Variants in SEPTIN11 observed in about 807,000 individuals in gnomAD.
SEPTIN11 encodes septin-11.
SEPTIN11 carries 25 observed loss-of-function variants against 51.4 expected under a neutral mutation model. The ratio of observed to expected loss-of-function variants is 0.49; its 90% CI spans 0.35 to 0.68. SEPTIN11 has a LOEUF of 0.68. Ranked by LOEUF, SEPTIN11 falls within the 30% of genes least tolerant of loss-of-function variation. The pLI, the probability that SEPTIN11 is intolerant of heterozygous loss-of-function variation, is 0.00. For missense variants in SEPTIN11, 381 were observed against 520.8 expected, an observed-to-expected ratio of 0.73 and a Z score of 2.61; for synonymous variants, 174 against 184.1, an observed-to-expected ratio of 0.95 and a Z score of 0.44.
chr4:76,965,267 A>G (rs1721987571), intron 1 of SEPTIN11, among the ~76,000 whole-genome samples: 1 of 152,064 alleles, frequency 6.6e-6, no homozygotes, highest in Non-Finnish European at 1.5e-5. Flanking sequence ...CCTGGCCAAC[A>G]TGGTGAAACC....
intron 9 of SEPTIN11, chr4:77,031,776 T>G (rs1172972005): frequency 6.6e-6 from 1 of 152,178 alleles, no homozygotes; most frequent in Non-Finnish European, 1.5e-5. Context: ...AGAATACCAC[T>G]AACGAAAACC....
chr4:77,028,346 C>T (rs954068936), intron 7 of SEPTIN11, among the ~76,000 whole-genome samples: 2 of 152,126 alleles, frequency 1.3e-5, no homozygotes, highest in Non-Finnish European at 2.9e-5. Context: ...CCTCCTCAGC[C>T]CAGGTTTTCC....
chr4:76,998,088 C>T lies in SEPTIN11; in HGVS notation c.142+1549C>T, dbSNP rs542577595. Among the ~76,000 whole-genome samples the T allele has an allele frequency of 3.9e-5, 6 of 152,174 alleles. No homozygotes were observed. In the East Asian group the frequency reaches 1.2e-3, roughly 30 times the overall value. On this transcript the variant is annotated intron_variant, in intron 2 of 9. Coordinates refer to ENST00000264893, the MANE Select transcript of SEPTIN11 (RefSeq NM_018243.4). ...ATTCAGATGCTGAATTCCTCAGAGA[C>T]CAAATTGATGCTGCCCTGTTAGATG...
At chr4:76,992,528 CTG>C (rs1186549587) in intron 1 of SEPTIN11, among the ~76,000 whole-genome samples, 2 of 152,270 alleles carry the variant, frequency 1.3e-5, no homozygotes, top group East Asian at 3.9e-4. Context: ...AACGGTGCCT[CTG>C]TTTTCTCATC....
chr4:76,970,953 G>T (rs976691336), intron 1 of SEPTIN11, among the ~76,000 whole-genome samples: 1 of 152,136 alleles, frequency 6.6e-6, no homozygotes, highest in African/African-American at 2.4e-5. Context: ...CTTGATGAAA[G>T]TTCTAGAAAT....
chr4:77,016,633 C>CATATATATATATATATATATATATAT (rs1234653472), intron 5 of SEPTIN11, among the ~76,000 whole-genome samples: 37 of 72,734 alleles, frequency 5.1e-4, no homozygotes, highest in African/African-American at 1.2e-3. Flanking sequence ...TATATATACA[C>CATATATATATATATATATATATATAT]ATATATATAT....
chr4:76,986,151 T>C (rs554319861), intron 1 of SEPTIN11, among the ~76,000 whole-genome samples: 243 of 152,294 alleles, frequency 1.6e-3, no homozygotes, highest in African/African-American at 5.7e-3. Context: ...GGGCTTTTTT[T>C]CTCCTGCAAG....
chr4:76,994,900 CTTTTTTTTT>C (rs55728971), intron 1 of SEPTIN11, among the ~76,000 whole-genome samples: 3 of 54,880 alleles, frequency 5.5e-5, no homozygotes, highest in South Asian at 2.1e-3. Context: ...CTGTACAAAG[CTTTTTTTTT>C]TTTTTTTTTT....
At chr4:77,004,742 T>C (rs1724360875) in intron 2 of SEPTIN11, among the ~76,000 whole-genome samples, 2 of 152,106 alleles carry the variant, frequency 1.3e-5, no homozygotes, top group African/African-American at 4.8e-5. Context: ...GCAGGTGGAC[T>C]ATTTGAGGTC....
At position 76,965,434 on chromosome 4, in the gene SEPTIN11, G is replaced by C. The variant is rs1350966922; in HGVS notation, c.27+15504G>C. On this transcript the variant is annotated intron_variant, in intron 1 of 9. Transcript: ENST00000264893. Reference sequence around the variant, plus strand: ...CCACTGCACTCCAGCCTGGGCAACAGAGCCAGACTCCATTTCAAAAAAAAA... The same window carrying C: ...CCACTGCACTCCAGCCTGGGCAACACAGCCAGACTCCATTTCAAAAAAAAA... Among the ~76,000 whole-genome samples, 14 of 145,720 alleles carry C rather than the reference G, an allele frequency of 9.6e-5. 1 individual carries two copies. The East Asian group carries it at 1.4e-3, about 15-fold the overall frequency.
chr4:76,981,709 T>C (rs1447583356), intron 1 of SEPTIN11, among the ~76,000 whole-genome samples: 1 of 151,776 alleles, frequency 6.6e-6, no homozygotes, highest in Non-Finnish European at 1.5e-5. Context: ...CGGTAACAAA[T>C]AGAGTCTGTT....
At chr4:76,962,265 T>C (rs1721853524) in intron 1 of SEPTIN11, among the ~76,000 whole-genome samples, 1 of 152,232 alleles carries the variant, frequency 6.6e-6, no homozygotes. Context: ...GAAAAAGCCT[T>C]GGCCTTTTGT....
chr4:76,975,594 T>C (rs1368941630), intron 1 of SEPTIN11, among the ~76,000 whole-genome samples: 1 of 152,250 alleles, frequency 6.6e-6, no homozygotes, highest in Non-Finnish European at 1.5e-5. Context: ...TCTGACTTAA[T>C]GGACAGCTGG....
chr4:77,005,893 G>C (rs113851051), intron 3 of SEPTIN11, 97 bp downstream of exon 3: 2 of 1,159,808 alleles, frequency 1.7e-6, no homozygotes, highest in African/African-American at 1.5e-5. Flanking sequence ...GGATTTTTTA[G>C]TTGTGGGGCT....
chr4:76,953,417 G>T (rs1278203161), intron 1 of SEPTIN11, among the ~76,000 whole-genome samples: 3 of 152,234 alleles, frequency 2.0e-5, no homozygotes, highest in Non-Finnish European at 2.9e-5. Context: ...GATCATATCT[G>T]TCTGGGGATA....
intron 1 of SEPTIN11, among the ~76,000 whole-genome samples, chr4:76,981,176 C>T (rs941164997): frequency 5.9e-5 from 9 of 152,118 alleles, no homozygotes; most frequent in Non-Finnish European, 1.3e-4. Flanking sequence ...GGATTTATAA[C>T]GGATTGTTGT....
intron 1 of SEPTIN11, among the ~76,000 whole-genome samples, chr4:76,992,670 T>C (rs550268060): frequency 5.3e-5 from 8 of 152,344 alleles, no homozygotes; most frequent in Non-Finnish European, 7.3e-5. Context: ...CCAAATAGCT[T>C]GAGCAGCTTT....
rs1382556066 is a variant in SEPTIN11, at chr4:77,029,767, T to TACACACAC, written c.1087-1008_1087-1001dup. 1.5e-3 allele frequency among the ~76,000 whole-genome samples: 220 copies of TACACACAC among 151,018 alleles called. 1 individual carries two copies. Among genetic ancestry groups the TACACACAC allele is most frequent in the African/African-American group, 4.9e-3 (203 of 41,102 alleles). ...AATACATAATGCATATATATATATA[T>TACACACAC]ACACACACACACACATATATATACA... On this transcript the variant is annotated intron_variant, in intron 8 of 9. Transcript: ENST00000264893.
intron 1 of SEPTIN11, among the ~76,000 whole-genome samples, chr4:76,968,750 T>C (rs1308410307): frequency 6.6e-6 from 1 of 152,218 alleles, no homozygotes; most frequent in African/African-American, 2.4e-5. Context: ...TTACAGAATG[T>C]CCTAGTAGTG....
Sources: allele counts gnomAD v4.1 joint callset (sites outside exome capture counted in the v4.1 genomes callset), GRCh38; gene constraint gnomAD v4.1.1; transcripts MANE v1.5; gene names NCBI Gene and HGNC (gene_info 2026-07-23, HGNC 2026-07-21).